The following PSD3 variants were observed in gnomAD, a reference collection of about 807,000 sequenced individuals.
PSD3 encodes the protein pleckstrin and Sec7 domain containing 3, also known as PH and SEC7 domain-containing protein 3.
A neutral mutation model predicts 105.5 loss-of-function variants in PSD3; 49 were observed. The observed-to-expected ratio is 0.46, with a 90% CI of 0.37 to 0.59. PSD3 has a LOEUF of 0.59. PSD3 is among the 20% of genes least tolerant of loss of function. The probability of loss-of-function intolerance (pLI) is 0.00; values close to 1 mark genes in which losing one functional copy is unlikely to be tolerated. For missense variants in PSD3, 1,561 were observed against 1,263.8 expected, an observed-to-expected ratio of 1.24 and a Z score of -3.57; for synonymous variants, 557 against 457.8, an observed-to-expected ratio of 1.22 and a Z score of -2.77.
At chr8:18,609,871 C>T (rs539402441) in intron 11 of PSD3, among the ~76,000 whole-genome samples, 37 of 152,320 alleles carry the variant, frequency 2.4e-4, no homozygotes, top group African/African-American at 7.2e-4. Flanking sequence ...GCAGCTCAGG[C>T]ACTTTTAGAT....
chr8:19,013,065 T>C (rs1178948645), intron 1 of PSD3, among the ~76,000 whole-genome samples: 1 of 152,168 alleles, frequency 6.6e-6, no homozygotes, highest in East Asian at 1.9e-4. Flanking sequence ...AAACGGCGGA[T>C]AAAGTTAAAT....
chr8:18,799,676 T>C (rs532978814), intron 7 of PSD3, among the ~76,000 whole-genome samples: 2 of 152,192 alleles, frequency 1.3e-5, no homozygotes, highest in African/African-American at 4.8e-5. Flanking sequence ...ATTAGTGATC[T>C]ATACATAGTA....
At chr8:18,833,149 C>T (rs1407315254) in intron 4 of PSD3, among the ~76,000 whole-genome samples, 2 of 152,174 alleles carry the variant, frequency 1.3e-5, no homozygotes, top group Non-Finnish European at 2.9e-5. Context: ...ATCAGCCTTC[C>T]TGGAGAAAGT....
At chr8:18,913,006 G>C (rs1484701740) in intron 2 of PSD3, among the ~76,000 whole-genome samples, 1 of 150,582 alleles carries the variant, frequency 6.6e-6, no homozygotes, top group Admixed American at 6.6e-5. Context: ...TCTACCCTGA[G>C]TAATTTCAAT....
intron 1 of PSD3, among the ~76,000 whole-genome samples, chr8:18,958,248 T>C (rs1307624538): frequency 2.0e-5 from 3 of 152,188 alleles, no homozygotes; most frequent in Non-Finnish European, 4.4e-5. Context: ...ATATAATGTA[T>C]CATCTACATA....
At chr8:18,850,638 G>A (rs1219652074) in intron 4 of PSD3, among the ~76,000 whole-genome samples, 3 of 152,036 alleles carry the variant, frequency 2.0e-5, no homozygotes, top group South Asian at 2.1e-4. Flanking sequence ...CCAGTAAGAC[G>A]GTGAATACAG....
At chr8:18,873,893 A>C (rs1267349882) in intron 2 of PSD3, among the ~76,000 whole-genome samples, 2 of 152,228 alleles carry the variant, frequency 1.3e-5, no homozygotes, top group African/African-American at 4.8e-5. Context: ...GTATATATTC[A>C]CTATATTGAA....
chr8:18,831,136 T>G (rs148428459), intron 4 of PSD3, among the ~76,000 whole-genome samples: 2 of 143,666 alleles, frequency 1.4e-5, no homozygotes, highest in East Asian at 2.0e-4. Context: ...TGCACCTAAG[T>G]GCATAAAATA....
At chr8:18,665,314 C>A (rs1363814817) in intron 9 of PSD3, among the ~76,000 whole-genome samples, 1 of 152,148 alleles carries the variant, frequency 6.6e-6, no homozygotes, top group Non-Finnish European at 1.5e-5. Context: ...TGATTCCAAC[C>A]CTCATGGAAT....
At chr8:18,808,402 T>C (rs967127934) in intron 4 of PSD3, among the ~76,000 whole-genome samples, 1 of 152,222 alleles carries the variant, frequency 6.6e-6, no homozygotes, top group Non-Finnish European at 1.5e-5. Context: ...ACAAGAGGCT[T>C]ATTCTAATGA....
At chr8:18,928,253 G>A (rs528423450) in intron 2 of PSD3, among the ~76,000 whole-genome samples, 1 of 152,248 alleles carries the variant, frequency 6.6e-6, no homozygotes, top group South Asian at 2.1e-4. Flanking sequence ...GAGATCTGAT[G>A]GTTTTATAAA....
chr8:18,733,629 T>C (rs1803932015), intron 9 of PSD3: 1 of 152,826 alleles, frequency 6.5e-6, no homozygotes, highest in Non-Finnish European at 1.5e-5. Context: ...TCAGAGGCTT[T>C]TTACTTTCAC....
chr8:18,952,837 CA>C (rs1381927875), intron 1 of PSD3, among the ~76,000 whole-genome samples: 1 of 152,064 alleles, frequency 6.6e-6, no homozygotes, highest in Non-Finnish European at 1.5e-5. Flanking sequence ...TGTAAGAATC[CA>C]AACAACTTAT....
intron 1 of PSD3, among the ~76,000 whole-genome samples, chr8:18,986,483 T>C (rs1825500848): frequency 6.6e-6 from 1 of 151,504 alleles, no homozygotes; most frequent in South Asian, 2.1e-4. Context: ...TTCAGTAAGG[T>C]CTCTCTGGCT....
chr8:19,033,810 G>A (rs541544752), intron 1 of PSD3, among the ~76,000 whole-genome samples: 2 of 151,920 alleles, frequency 1.3e-5, no homozygotes, highest in African/African-American at 2.4e-5. Flanking sequence ...GGATTTTAGT[G>A]GTTTCTGTAC....
In PSD3 at chr8:19,024,607, A is replaced by T. The variant is rs139741004; in HGVS notation, c.324+59599T>A. On this transcript the variant is annotated intron_variant, in intron 1 of 1. Coordinates refer to the PSD3 transcript ENST00000521475. ...GCTTATGTTAATGAGGTGACTTAGGATGGAGCCCCTAGACTGCCCAAGGAT... is the reference window on the plus strand; with the variant it reads ...GCTTATGTTAATGAGGTGACTTAGGTTGGAGCCCCTAGACTGCCCAAGGAT... Among the ~76,000 whole-genome samples, 267 of 152,302 alleles carry T rather than the reference A, an allele frequency of 1.8e-3. 1 individual carries two copies. The highest frequency in any genetic ancestry group is 6.4e-3 in the African/African-American group (264 of 41,558).
chr8:18,798,036 C>T (rs1039091500), intron 8 of PSD3, among the ~76,000 whole-genome samples: 1 of 152,034 alleles, frequency 6.6e-6, no homozygotes, highest in African/African-American at 2.4e-5. Context: ...CTTGCTTGGC[C>T]AGTAACACGA....
intron 9 of PSD3, among the ~76,000 whole-genome samples, chr8:18,712,076 A>C (rs1005665904): frequency 3.5e-4 from 54 of 152,294 alleles, no homozygotes; most frequent in African/African-American, 1.3e-3. Flanking sequence ...CTCTGAAACT[A>C]ATGAGAACAA....
intron 1 of PSD3, among the ~76,000 whole-genome samples, chr8:18,948,664 G>T (rs1586501449): frequency 6.6e-6 from 1 of 152,130 alleles, no homozygotes; most frequent in Admixed American, 6.5e-5. Context: ...TTAGGAAGAA[G>T]TCCTACAAAG....
Sources: gnomAD v4.1 joint callset for allele counts (sites outside exome capture counted in the v4.1 genomes callset) on GRCh38, gnomAD v4.1.1 for gene constraint, MANE v1.5 for transcripts, NCBI Gene and HGNC (gene_info 2026-07-23, HGNC 2026-07-21) for gene names.